The following CDH13 variants were observed in gnomAD, a reference collection of about 807,000 sequenced individuals.
CDH13 encodes the protein cadherin-13.
In CDH13, 24 loss-of-function variants were observed where a neutral mutation model predicts 63.8. The observed-to-expected ratio is 0.38, with a 90% CI of 0.27 to 0.53. The LOEUF (loss-of-function observed/expected upper bound fraction) is 0.53. Among genes scored for constraint, CDH13 ranks in the 20% least tolerant of loss-of-function variants. The pLI, the probability that CDH13 is intolerant of heterozygous loss-of-function variation, is 0.85. For synonymous variants in CDH13, 503 were observed against 355.3 expected (o/e 1.42, Z -4.67); for missense variants, 1,049 against 903.1 (o/e 1.16, Z -2.07).
At chr16:83,152,157 A>C (rs1036145257) in intron 4 of CDH13, among the ~76,000 whole-genome samples, 2 of 152,234 alleles carry the variant, frequency 1.3e-5, no homozygotes, top group African/African-American at 4.8e-5. Flanking sequence ...TGTGAAATAC[A>C]TACTCAAAAC....
intron 6 of CDH13, among the ~76,000 whole-genome samples, chr16:83,467,650 T>C (rs2073350515): frequency 2.0e-5 from 3 of 152,148 alleles, no homozygotes; most frequent in Admixed American, 2.0e-4. Context: ...GTGCTTCTCA[T>C]ATTTGGACCC....
At chr16:83,260,870 T>G (rs1433583762) in intron 5 of CDH13, among the ~76,000 whole-genome samples, 2 of 152,062 alleles carry the variant, frequency 1.3e-5, no homozygotes, top group African/African-American at 4.8e-5. Flanking sequence ...TTGAAAAGCA[T>G]GCATAGCTCA....
At chr16:82,640,541 A>G (rs369488797) in intron 1 of CDH13, among the ~76,000 whole-genome samples, 1 of 152,194 alleles carries the variant, frequency 6.6e-6, no homozygotes, top group African/African-American at 2.4e-5. Flanking sequence ...ATGAATGGGC[A>G]GGGTAATAAA....
At chr16:83,201,315 A>T (rs1226489881) in intron 4 of CDH13, among the ~76,000 whole-genome samples, 1 of 152,214 alleles carries the variant, frequency 6.6e-6, no homozygotes, top group Non-Finnish European at 1.5e-5. Flanking sequence ...GACAACAGAT[A>T]TAAATATGTC....
intron 13 of CDH13, among the ~76,000 whole-genome samples, chr16:83,785,031 T>C (rs1915786059): frequency 6.6e-6 from 1 of 152,148 alleles, no homozygotes; most frequent in Admixed American, 6.5e-5. Context: ...CAATTTCAGA[T>C]GAAGGGTTAG....
At chr16:83,728,931 C>G (rs1910739459) in intron 10 of CDH13, 1 of 153,530 alleles carries the variant, frequency 6.5e-6, no homozygotes, top group African/African-American at 2.4e-5. Flanking sequence ...GGAGGGCTCT[C>G]TTTCTGGCTT....
chr16:83,189,248 C>T (rs2038621680), intron 4 of CDH13, among the ~76,000 whole-genome samples: 1 of 152,140 alleles, frequency 6.6e-6, no homozygotes, highest in South Asian at 2.1e-4. Context: ...CATCCCAGAC[C>T]CTCAGCTGCA....
At chr16:83,217,198 G>T in intron 4 of CDH13, 147 bp from the exon 5 acceptor site, 1 of 696,046 alleles carries the variant, frequency 1.4e-6, no homozygotes, top group Non-Finnish European at 2.4e-6. Flanking sequence ...GCTATTTCTG[G>T]TGCTGTTACT....
intron 8 of CDH13, among the ~76,000 whole-genome samples, chr16:83,657,464 C>T (rs1017889255): frequency 1.2e-4 from 18 of 152,322 alleles, no homozygotes; most frequent in Admixed American, 3.3e-4. Context: ...CTTTGACCCC[C>T]AGAGCAGCAC....
intron 5 of CDH13, among the ~76,000 whole-genome samples, chr16:83,336,300 C>CAAAAAAAAA (rs376325733): frequency 0.018 from 883 of 48,864 alleles, 14 homozygotes; most frequent in African/African-American, 0.057. Flanking sequence ...GACTCCATCT[C>CAAAAAAAAA]AAAAAAAAAA....
At chr16:83,198,595 G>A (rs1382635449) in intron 4 of CDH13, among the ~76,000 whole-genome samples, 1 of 152,212 alleles carries the variant, frequency 6.6e-6, no homozygotes, top group East Asian at 1.9e-4. Flanking sequence ...TAATGAGAAA[G>A]GGACTATTTG....
chr16:83,443,714 AAAAAAAAAAAAAAAAAAAAAAATATATAT>A (rs958706571), intron 6 of CDH13, among the ~76,000 whole-genome samples: 32 of 91,850 alleles, frequency 3.5e-4, no homozygotes, highest in African/African-American at 1.8e-3. Flanking sequence ...CGAAAAAAAA[AAAAAAAAAAAAAAAAAAAAAAATATATAT>A]ATATATATAT....
chr16:82,724,477 C>T (rs2032973039), intron 1 of CDH13, among the ~76,000 whole-genome samples: 1 of 152,162 alleles, frequency 6.6e-6, no homozygotes, highest in African/African-American at 2.4e-5. Flanking sequence ...TGAGACATTT[C>T]TTCAGAGTAT....
At chr16:82,789,293 T>A (rs1309739924) in intron 1 of CDH13, among the ~76,000 whole-genome samples, 1 of 152,210 alleles carries the variant, frequency 6.6e-6, no homozygotes, top group Non-Finnish European at 1.5e-5. Context: ...TTCAGTCTGA[T>A]TCCTTAAGCT....
intron 5 of CDH13, among the ~76,000 whole-genome samples, chr16:83,255,581 C>A (rs899610945): frequency 5.9e-5 from 9 of 152,222 alleles, no homozygotes; most frequent in Admixed American, 5.9e-4. Context: ...TCTACAAGGG[C>A]TGTGCTGGCC....
At chr16:83,257,289 A>G (rs1906412482) in intron 5 of CDH13, among the ~76,000 whole-genome samples, 1 of 152,174 alleles carries the variant, frequency 6.6e-6, no homozygotes, top group South Asian at 2.1e-4. Context: ...AGAAGCCGAG[A>G]CAGCTGCAAC....
intron 2 of CDH13, among the ~76,000 whole-genome samples, chr16:82,914,977 G>C (rs576108930): frequency 6.6e-6 from 1 of 152,314 alleles, no homozygotes; most frequent in African/African-American, 2.4e-5. Flanking sequence ...ACACTTAACA[G>C]GGACAGTGAA....
At chr16:82,675,108 T>A (rs199738160) in intron 1 of CDH13, among the ~76,000 whole-genome samples, 1 of 108,934 alleles carries the variant, frequency 9.2e-6, no homozygotes, top group African/African-American at 3.0e-5. Context: ...TTAGCTGTCT[T>A]AATAATTTTG....
At chr16:83,062,432 G>A (rs1489483452) in intron 3 of CDH13, among the ~76,000 whole-genome samples, 1 of 152,192 alleles carries the variant, frequency 6.6e-6, no homozygotes. Context: ...TCAGTAAGAA[G>A]TATCAATGTG....
Sources: gnomAD v4.1 joint callset for allele counts (sites outside exome capture counted in the v4.1 genomes callset) on GRCh38, gnomAD v4.1.1 for gene constraint, MANE v1.5 for transcripts, NCBI Gene and HGNC (gene_info 2026-07-23, HGNC 2026-07-21) for gene names.